The following GALNT2 variants were observed in gnomAD, a reference collection of about 807,000 sequenced individuals.
GALNT2 encodes UDP-GalNAc:polypeptide N-acetylgalactosaminyltransferase 2.
A neutral mutation model predicts 81.4 loss-of-function variants in GALNT2; 31 were observed. The observed-to-expected ratio is 0.38, with a 90% CI of 0.29 to 0.51. The LOEUF (loss-of-function observed/expected upper bound fraction) is 0.51, where lower values mean the gene tolerates loss of function less well. Ranked by LOEUF, GALNT2 falls within the 20% of genes least tolerant of loss-of-function variation. The probability of loss-of-function intolerance (pLI) is 0.87; values close to 1 mark genes in which losing one functional copy is unlikely to be tolerated. For synonymous variants in GALNT2, 303 were observed against 287.4 expected (o/e 1.05, Z -0.55); for missense variants, 629 against 765.7 (o/e 0.82, Z 2.11).
chr1:230,242,421 C>G (rs536293262), intron 6 of GALNT2, among the ~76,000 whole-genome samples: 1 of 152,264 alleles, frequency 6.6e-6, no homozygotes, highest in East Asian at 1.9e-4. Flanking sequence ...GCAGACTTGT[C>G]CTCACCGGTT....
intron 2 of GALNT2, among the ~76,000 whole-genome samples, chr1:230,182,343 T>C (rs1469563889): frequency 6.6e-6 from 1 of 152,246 alleles, no homozygotes; most frequent in African/African-American, 2.4e-5. Flanking sequence ...ATCTTTCTTA[T>C]TTTCTAATGT....
At chr1:230,251,890 A>G (rs1665555273) in intron 10 of GALNT2, among the ~76,000 whole-genome samples, 1 of 152,126 alleles carries the variant, frequency 6.6e-6, no homozygotes, top group Non-Finnish European at 1.5e-5. Context: ...GCATTCACCC[A>G]GAGACTGGGG....
intron 2 of GALNT2, among the ~76,000 whole-genome samples, chr1:230,197,337 G>A (rs1407349650): frequency 1.3e-5 from 2 of 152,152 alleles, no homozygotes; most frequent in East Asian, 3.9e-4. Flanking sequence ...TGAATTCAGT[G>A]CATCCGCAGG....
intron 14 of GALNT2, among the ~76,000 whole-genome samples, chr1:230,273,492 G>T (rs572922112): frequency 6.6e-6 from 1 of 152,334 alleles, no homozygotes; most frequent in East Asian, 1.9e-4. Flanking sequence ...CGATATTAAG[G>T]GGTGTTCATC....
rs1438697135 is a variant in GALNT2 at position 230,148,282 on chromosome 1, G to A, written c.127-29936G>A. Among the ~76,000 whole-genome samples, 4 of 152,226 alleles carry A rather than the reference G, an allele frequency of 2.6e-5. 1 individual carries two copies. The South Asian group carries it at 6.2e-4, about 24-fold the overall frequency. Reference sequence around the variant, plus strand: ...CAGAGGGAGAGCCCTGTGGCACTGCGTTATTTTCCTCCTAGAGCTGAAGCC... The same window carrying A: ...CAGAGGGAGAGCCCTGTGGCACTGCATTATTTTCCTCCTAGAGCTGAAGCC... On this transcript the variant is annotated intron_variant, in intron 1 of 15. Coordinates refer to ENST00000366672, the MANE Select transcript of GALNT2 (RefSeq NM_004481.5).
At chr1:230,123,476 G>T (rs538704724) in intron 1 of GALNT2, among the ~76,000 whole-genome samples, 2 of 152,274 alleles carry the variant, frequency 1.3e-5, no homozygotes, top group South Asian at 4.1e-4. Context: ...TCCAGGGTTC[G>T]AAAATAACTG....
intron 2 of GALNT2, among the ~76,000 whole-genome samples, chr1:230,194,334 C>T (rs568331174): frequency 2.6e-5 from 4 of 152,280 alleles, no homozygotes; most frequent in South Asian, 2.1e-4. Flanking sequence ...CAGAATGGAC[C>T]GGCAGACAGA....
chr1:230,062,542 G>A (rs1451619602), upstream of GALNT2, among the ~76,000 whole-genome samples: 2 of 152,122 alleles, frequency 1.3e-5, no homozygotes, highest in Non-Finnish European at 1.5e-5. Flanking sequence ...CCTGGTGACT[G>A]CCATTTTACT....
At chr1:230,057,910 T>C (rs1454857463), upstream of GALNT2, 1 of 397,892 alleles carries the variant, frequency 2.5e-6, no homozygotes, top group Non-Finnish European at 5.2e-6. Context: ...TTGCTGGGGT[T>C]AGGTAAGTGT....
At chr1:230,062,005 T>G (rs1223214247) in intron 1 of GALNT2, among the ~76,000 whole-genome samples, 1 of 152,260 alleles carries the variant, frequency 6.6e-6, no homozygotes, top group East Asian at 1.9e-4. Flanking sequence ...TCCTGGATAT[T>G]ACGCTATATG....
chr1:230,122,640 A>G (rs545049591), intron 1 of GALNT2, among the ~76,000 whole-genome samples: 6 of 151,908 alleles, frequency 3.9e-5, no homozygotes, highest in Admixed American at 3.9e-4. Flanking sequence ...GTGCATGTAC[A>G]TACGTGTGTG....
chr1:230,164,802 T>C (rs1032675677), intron 1 of GALNT2, among the ~76,000 whole-genome samples: 5 of 152,120 alleles, frequency 3.3e-5, no homozygotes, highest in African/African-American at 1.2e-4. Flanking sequence ...AGTGCTGGGA[T>C]TACAGGTGTG....
In GALNT2 at chr1:230,243,193, G is replaced by A. The variant is rs1281878952; in HGVS notation, c.608-113G>A. On this transcript the variant is annotated intron_variant, in intron 6 of 15. Coordinates refer to ENST00000366672, the MANE Select transcript of GALNT2 (RefSeq NM_004481.5). The surrounding 1 kb of genome is among the most constrained non-coding windows in gnomAD (Gnocchi z 4.2). ...CCAGCAAGTTTACAGTAATGTCCGT[G>A]CCCAGAAAGCAGGCTGCAGAGCTGC... The A allele has an allele frequency of 7.3e-7, 1 of 1,371,380 alleles. No homozygotes were observed. The highest frequency in any genetic ancestry group is 9.7e-7 in the Non-Finnish European group (1 of 1,030,304). The allele number at this position is 1,371,380 out of a possible 1,614,324, so 85.0% of individuals were successfully genotyped here.
intron 3 of GALNT2, among the ~76,000 whole-genome samples, chr1:230,234,475 A>G (rs982803945): frequency 7.9e-5 from 12 of 152,218 alleles, no homozygotes; most frequent in East Asian, 5.8e-4. Context: ...TTGCAGGAAC[A>G]TTGTGCAGAT....
At chr1:230,120,633 G>A (rs986993260) in intron 1 of GALNT2, among the ~76,000 whole-genome samples, 3 of 152,104 alleles carry the variant, frequency 2.0e-5, no homozygotes, top group Admixed American at 1.3e-4. Flanking sequence ...CCTTCCTTCC[G>A]CAGGACTCAG....
At chr1:230,262,691 A>G (rs190817493) in intron 12 of GALNT2, 26 bp downstream of exon 12, 1 of 1,493,278 alleles carries the variant, frequency 6.7e-7, no homozygotes, top group South Asian at 1.1e-5. Flanking sequence ...GCCTTCTCAC[A>G]ATTACTGGGG....
Position 230,243,233 on chromosome 1 carries a change from C to T in GALNT2, c.608-73C>T, listed in dbSNP as rs914035376. ...TGCAGAGCTGCGGGCAGGGAGGCGT[C>T]GCCGGTTGGCATGGGGTTGTGCTGG... On this transcript the variant is annotated intron_variant, in intron 6 of 15. Coordinates refer to ENST00000366672, the MANE Select transcript of GALNT2 (RefSeq NM_004481.5). This position sits in a 1 kb window ranked among gnomAD's most constrained non-coding sequence, Gnocchi z 4.2. 4.0e-6 allele frequency: 6 copies of T among 1,493,412 alleles called. No homozygotes were observed. The highest frequency in any genetic ancestry group is 2.7e-5 in the South Asian group (2 of 73,924). The allele number at this position is 1,493,412 out of a possible 1,614,324, so 92.5% of individuals were successfully genotyped here.
chr1:230,266,315 T>TAATAATAGGAATAGGAA (rs1305016591), intron 14 of GALNT2, among the ~76,000 whole-genome samples: 64 of 152,298 alleles, frequency 4.2e-4, no homozygotes, highest in African/African-American at 1.3e-3. Flanking sequence ...TAAAAACAGT[T>TAATAATAGGAATAGGAA]TTCCCATGAG....
rs1050412266 is a variant in GALNT2 at position 230,236,198 on chromosome 1, G to A, written c.473+86G>A. Reference sequence around the variant, plus strand: ...CAGTCAGACCAGGGCTGTCAGTGGGGGCTGCAGACAGGGTCTCCTGACTGC... The same window carrying A: ...CAGTCAGACCAGGGCTGTCAGTGGGAGCTGCAGACAGGGTCTCCTGACTGC... On this transcript the variant is annotated intron_variant, in intron 4 of 15. Coordinates refer to ENST00000366672, the MANE Select transcript of GALNT2 (RefSeq NM_004481.5). 25 of 1,438,950 alleles carry A rather than the reference G, an allele frequency of 1.7e-5. No homozygotes were observed. The Middle Eastern group carries it at 1.7e-3, about 100-fold the overall frequency. The allele number at this position is 1,438,950 out of a possible 1,614,324, so 89.1% of individuals were successfully genotyped here.
Sources: allele counts gnomAD v4.1 joint callset (sites outside exome capture counted in the v4.1 genomes callset), GRCh38; gene constraint gnomAD v4.1.1; non-coding constraint Gnocchi (gnomAD v3.1); transcripts MANE v1.5; gene names NCBI Gene and HGNC (gene_info 2026-07-23, HGNC 2026-07-21).